DHRSX: variants seen among roughly 807,000 people sequenced by gnomAD.
DHRSX encodes polyprenol dehydrogenase.
In DHRSX, 31 loss-of-function variants were observed where a neutral mutation model predicts 34.0. That is an observed-to-expected ratio of 0.91 (90% CI 0.69 to 1.23). The LOEUF (loss-of-function observed/expected upper bound fraction) is 1.23, where lower values mean the gene tolerates loss of function less well. Among genes scored for constraint, DHRSX ranks in the 50% most tolerant of loss-of-function variants. The pLI is 0.00. For synonymous variants in DHRSX, 201 were observed against 183.8 expected (o/e 1.09, Z -0.76); for missense variants, 414 against 428.1 (o/e 0.97, Z 0.29).
At chrX:2,455,221 C>T (rs1315662847) in intron 1 of DHRSX, among the ~76,000 whole-genome samples, 1 of 151,776 alleles carries the variant, frequency 6.6e-6, no homozygotes, top group Non-Finnish European at 1.5e-5. Context: ...CTCCTGTTCT[C>T]ACTGATAAGT....
intron 1 of DHRSX, among the ~76,000 whole-genome samples, chrX:2,451,375 G>A (rs187893446): frequency 4.5e-4 from 68 of 152,174 alleles, no homozygotes; most frequent in African/African-American, 1.5e-3. Flanking sequence ...AAGTCTACAC[G>A]AATATAAAGA....
At chrX:2,295,838 T>C (rs1006605420) in intron 3 of DHRSX, among the ~76,000 whole-genome samples, 1 of 152,202 alleles carries the variant, frequency 6.6e-6, no homozygotes, top group African/African-American at 2.4e-5. Context: ...TTCCGGCATG[T>C]GGCAATACCG....
At chrX:2,433,921 C>A (rs2043960639) in intron 1 of DHRSX, among the ~76,000 whole-genome samples, 1 of 152,086 alleles carries the variant, frequency 6.6e-6, no homozygotes, top group Non-Finnish European at 1.5e-5. Flanking sequence ...ACTACAGGCG[C>A]CCGCCACCAC....
chrX:2,371,831 C>T (rs1029770800), intron 3 of DHRSX, among the ~76,000 whole-genome samples: 6 of 152,146 alleles, frequency 3.9e-5, no homozygotes, highest in Non-Finnish European at 7.3e-5. Context: ...ACTGTTGCTA[C>T]CTGTGTATCT....
chrX:2,429,813 G>T (rs966589086), intron 1 of DHRSX, among the ~76,000 whole-genome samples: 1 of 152,072 alleles, frequency 6.6e-6, no homozygotes, highest in Admixed American at 6.6e-5. Context: ...ACACAAGAAC[G>T]GCAGAGGGAG....
rs139566248 is a variant in DHRSX at position 2,489,991 on chromosome X, C to T, written c.109+10826G>A. The T allele has an allele frequency of 8.7e-5, 141 of 1,613,880 alleles. No individual in the cohort carries two copies. In the African/African-American group the frequency reaches 1.4e-3, roughly 16 times the overall value. On this transcript the variant is annotated intron_variant, in intron 1 of 6. Transcript: ENST00000334651. ...AGAGCACTCGCGTGATGGTCTCCGC[C>T]GTGTTCTCTTCGGGCACCTCGAAGG...
intron 3 of DHRSX, among the ~76,000 whole-genome samples, chrX:2,357,974 A>G (rs1465126542): frequency 6.6e-6 from 1 of 152,200 alleles, no homozygotes; most frequent in Non-Finnish European, 1.5e-5. Context: ...CGCTTATTTT[A>G]AAAAACTAAT....
intron 3 of DHRSX, among the ~76,000 whole-genome samples, chrX:2,321,767 C>T (rs1260326780): frequency 1.3e-5 from 2 of 152,000 alleles, no homozygotes; most frequent in Non-Finnish European, 2.9e-5. Flanking sequence ...TTGAATTGCA[C>T]GGGTCCACTT....
intron 6 of DHRSX, among the ~76,000 whole-genome samples, chrX:2,225,166 TCACA>T (rs35599283): frequency 1.1e-3 from 158 of 146,948 alleles, no homozygotes; most frequent in East Asian, 3.6e-3. Context: ...TCACATGCAC[TCACA>T]CACGCACACA....
At chrX:2,489,680 A>C (rs1569345414) in intron 1 of DHRSX, 1 of 1,612,364 alleles carries the variant, frequency 6.2e-7, no homozygotes, top group South Asian at 1.1e-5. Context: ...GCGGTTGCTC[A>C]CCAGCATGCA....
intron 3 of DHRSX, among the ~76,000 whole-genome samples, chrX:2,304,220 G>A (rs867502426): frequency 2.8e-4 from 37 of 131,574 alleles, no homozygotes; most frequent in African/African-American, 1.0e-3. Flanking sequence ...TGGATGGATG[G>A]ATGGATGGAT....
At chrX:2,485,975 G>A (rs189930309) in intron 1 of DHRSX, among the ~76,000 whole-genome samples, 240 of 151,714 alleles carry the variant, frequency 1.6e-3, no homozygotes, top group Non-Finnish European at 2.9e-3. Context: ...AGGGTTGGAC[G>A]GAAGGAGGAG....
chrX:2,479,400 GACC>G (rs1300944846), intron 1 of DHRSX, among the ~76,000 whole-genome samples: 4 of 150,874 alleles, frequency 2.7e-5, no homozygotes, highest in African/African-American at 9.8e-5. Context: ...GTGGCCAAGG[GACC>G]ACCACCATGT....
At chrX:2,221,800 C>T (rs950654343) in intron 6 of DHRSX, among the ~76,000 whole-genome samples, 5 of 152,060 alleles carry the variant, frequency 3.3e-5, no homozygotes, top group South Asian at 2.1e-4. Context: ...TAGTGGAAGG[C>T]GATAATCTTG....
At chrX:2,338,581 T>A (rs1253191003) in intron 3 of DHRSX, among the ~76,000 whole-genome samples, 1 of 151,942 alleles carries the variant, frequency 6.6e-6, no homozygotes, top group Non-Finnish European at 1.5e-5. Flanking sequence ...TTTTACTCTA[T>A]GAGTTCTCCA....
chrX:2,283,961 AATTCACTCATTCCTTTGAATTCACTCAT>A (rs2041769328), intron 4 of DHRSX, among the ~76,000 whole-genome samples: 1 of 131,976 alleles, frequency 7.6e-6, no homozygotes, highest in Admixed American at 7.8e-5. Flanking sequence ...CATTCCTTTG[AATTCACTCATTCCTTTGAATTCACTCAT>A]TCCTTTGAAT....
At chrX:2,355,974 G>A (rs1273405765) in intron 3 of DHRSX, among the ~76,000 whole-genome samples, 2 of 151,456 alleles carry the variant, frequency 1.3e-5, no homozygotes, top group Non-Finnish European at 2.9e-5. Flanking sequence ...GCTAAGGCAG[G>A]AGAATCACTT....
chrX:2,338,564 A>G (rs2042599954), intron 3 of DHRSX, among the ~76,000 whole-genome samples: 1 of 151,928 alleles, frequency 6.6e-6, no homozygotes, highest in South Asian at 2.1e-4. Flanking sequence ...TTGAAGCATG[A>G]GTGAGTTTTT....
intron 5 of DHRSX, among the ~76,000 whole-genome samples, chrX:2,256,112 A>G (rs1288025353): frequency 6.9e-6 from 1 of 145,848 alleles, no homozygotes. Flanking sequence ...CTCCTGCCTC[A>G]GCCTCCCCAG....
Sources: allele counts gnomAD v4.1 joint callset (sites outside exome capture counted in the v4.1 genomes callset), GRCh38; gene constraint gnomAD v4.1.1; transcripts MANE v1.5; gene names NCBI Gene and HGNC (gene_info 2026-07-23, HGNC 2026-07-21).